SERPINI1: variants seen among roughly 807,000 people sequenced by gnomAD.
SERPINI1 encodes the protein serpin family I member 1.
In SERPINI1, 19 loss-of-function variants were observed where a neutral mutation model predicts 41.1. The observed-to-expected ratio is 0.46, with a 90% CI of 0.32 to 0.68. SERPINI1 has a LOEUF of 0.68. Among genes scored for constraint, SERPINI1 ranks in the 30% least tolerant of loss-of-function variants. SERPINI1 has a pLI of 0.03. For synonymous variants in SERPINI1, 138 were observed against 156.6 expected, an observed-to-expected ratio of 0.88 and a Z score of 0.89; for missense variants, 460 against 479.2, an observed-to-expected ratio of 0.96 and a Z score of 0.37.
At chr3:167,736,004 C>T (rs1725406284) in intron 1 of SERPINI1, 181 bp downstream of exon 1, 1 of 152,200 alleles carries the variant, frequency 6.6e-6, no homozygotes, top group East Asian at 1.9e-4. Flanking sequence ...GGAAGCTTGA[C>T]TCTGGGTATA....
At chr3:167,793,573 C>T (rs930115362) in intron 4 of SERPINI1, among the ~76,000 whole-genome samples, 1 of 127,224 alleles carries the variant, frequency 7.9e-6, no homozygotes, top group African/African-American at 3.1e-5. Context: ...CCTTTCTCTA[C>T]AAATATATAT....
In SERPINI1 at chr3:167,753,805, T is replaced by C. The variant is rs143433550; in HGVS notation, c.-19+17982T>C. 5.9e-5 allele frequency among the ~76,000 whole-genome samples: 9 copies of C among 152,278 alleles called. No homozygotes were observed. The East Asian group carries it at 1.7e-3, about 29-fold the overall frequency. On this transcript the variant is annotated intron_variant, in intron 1 of 8. Coordinates refer to ENST00000446050, the MANE Select transcript of SERPINI1 (RefSeq NM_001122752.2). ...AGGAGAACTGTATATCAGAAGACTA[T>C]CAGTGTTGTTAGGCTAAAGAATGTA...
At chr3:167,797,812 C>A (rs1298208123) in intron 5 of SERPINI1, among the ~76,000 whole-genome samples, 1 of 150,536 alleles carries the variant, frequency 6.6e-6, no homozygotes, top group African/African-American at 2.4e-5. Context: ...TTCCAAAGAA[C>A]AATTTACTTT....
intron 1 of SERPINI1, among the ~76,000 whole-genome samples, chr3:167,778,608 A>G (rs1285448626): frequency 6.6e-6 from 1 of 152,192 alleles, no homozygotes; most frequent in African/African-American, 2.4e-5. Flanking sequence ...AAATATCTCA[A>G]AGACAAGTCT....
intron 5 of SERPINI1, among the ~76,000 whole-genome samples, chr3:167,799,729 G>A (rs887637400): frequency 2.6e-5 from 4 of 152,014 alleles, no homozygotes; most frequent in African/African-American, 4.8e-5. Flanking sequence ...TTTAATGATC[G>A]CCATTCTAAC....
chr3:167,766,712 T>C (rs1054848360), intron 1 of SERPINI1, among the ~76,000 whole-genome samples: 2 of 152,236 alleles, frequency 1.3e-5, no homozygotes, highest in Admixed American at 1.3e-4. Context: ...ATTGCTGATA[T>C]GGAGAAAGTT....
At chr3:167,769,490 G>A (rs1280344208) in intron 1 of SERPINI1, among the ~76,000 whole-genome samples, 2 of 152,146 alleles carry the variant, frequency 1.3e-5, no homozygotes, top group African/African-American at 4.8e-5. Context: ...AGATCTTAAA[G>A]TTTGTGCTTA....
intron 1 of SERPINI1, among the ~76,000 whole-genome samples, chr3:167,787,446 A>G (rs1727351674): frequency 6.6e-6 from 1 of 152,228 alleles, no homozygotes; most frequent in African/African-American, 2.4e-5. Flanking sequence ...CCACGAGTAA[A>G]GCTTCTGCCT....
intron 1 of SERPINI1, among the ~76,000 whole-genome samples, chr3:167,773,297 GACTGTTAA>G (rs909100786): frequency 6.6e-6 from 1 of 152,030 alleles, no homozygotes; most frequent in African/African-American, 2.4e-5. Context: ...TGTTAGTGAG[GACTGTTAA>G]ACTTGGATTT....
At chr3:167,793,850 G>T (rs1727622181) in intron 4 of SERPINI1, among the ~76,000 whole-genome samples, 1 of 151,092 alleles carries the variant, frequency 6.6e-6, no homozygotes, top group Non-Finnish European at 1.5e-5. Context: ...GTGTGTGTGT[G>T]TGTGTGTGTG....
chr3:167,789,438 T>C, intron 2 of SERPINI1, 60 bp downstream of exon 2: 3 of 1,589,252 alleles, frequency 1.9e-6, no homozygotes, highest in Non-Finnish European at 1.7e-6. Context: ...CTCAGTTATG[T>C]TGTATTCTTA....
At chr3:167,778,387 G>C (rs1035216680) in intron 1 of SERPINI1, among the ~76,000 whole-genome samples, 1 of 152,156 alleles carries the variant, frequency 6.6e-6, no homozygotes, top group African/African-American at 2.4e-5. Context: ...AGATCACAAA[G>C]GCTATGGTTT....
intron 1 of SERPINI1, among the ~76,000 whole-genome samples, chr3:167,759,694 TA>T (rs1427650326): frequency 6.6e-6 from 1 of 152,056 alleles, no homozygotes; most frequent in Non-Finnish European, 1.5e-5. Flanking sequence ...ATTTGGGTGA[TA>T]TTTTCACTAG....
intron 1 of SERPINI1, among the ~76,000 whole-genome samples, chr3:167,777,811 A>G (rs935867084): frequency 1.3e-5 from 2 of 152,206 alleles, no homozygotes; most frequent in African/African-American, 4.8e-5. Context: ...TACGTGTTGG[A>G]AACTTGATTG....
chr3:167,806,566 T>C (rs1330354129), intron 5 of SERPINI1, among the ~76,000 whole-genome samples: 1 of 152,172 alleles, frequency 6.6e-6, no homozygotes, highest in African/African-American at 2.4e-5. Context: ...GATTAATAGT[T>C]TTTTTGTGAT....
chr3:167,793,624 A>C (rs1727607400), intron 4 of SERPINI1, among the ~76,000 whole-genome samples: 1 of 143,370 alleles, frequency 7.0e-6, no homozygotes. Context: ...ATAATGGTAC[A>C]TACCTATAGT....
At chr3:167,746,070 T>A (rs1725855804) in intron 1 of SERPINI1, among the ~76,000 whole-genome samples, 2 of 152,128 alleles carry the variant, frequency 1.3e-5, no homozygotes, top group Admixed American at 1.3e-4. Context: ...AGGACTCACA[T>A]AGAAATGCAA....
intron 1 of SERPINI1, among the ~76,000 whole-genome samples, chr3:167,772,876 A>C (rs1482461463): frequency 5.9e-4 from 34 of 57,572 alleles, no homozygotes; most frequent in Admixed American, 7.9e-4. Flanking sequence ...ATATATATAT[A>C]TATATATATA....
Position 167,792,765 on chromosome 3 carries a change from G to A in SERPINI1, c.657G>A (p.Gln219=), listed in dbSNP as rs1187268609. Residue 219 remains glutamine (Q), a synonymous_variant, in exon 4 of 9, where the codon CAG becomes CAA. Coordinates refer to ENST00000446050, the MANE Select transcript of SERPINI1 (RefSeq NM_001122752.2). ...ESEVQIPMMY[Q]QGEFYYGEFS... is the part of the protein sequence containing the mutation. The stretch of plus-strand genomic sequence containing the variant: ...AAGTCCAAATTCCAATGATGTATCA[G>A]CAAGGAGAATTTTATTATGGTAAGA... 2 of 1,613,360 alleles carry A rather than the reference G, an allele frequency of 1.2e-6. No individual in the cohort carries two copies. Among genetic ancestry groups the A allele is most frequent in the Non-Finnish European group, 8.5e-7 (1 of 1,179,550 alleles).
Sources: allele counts gnomAD v4.1 joint callset (sites outside exome capture counted in the v4.1 genomes callset), GRCh38; gene constraint gnomAD v4.1.1; transcripts MANE v1.5; gene names NCBI Gene and HGNC (gene_info 2026-07-23, HGNC 2026-07-21).